The following NRG3 variants were observed in gnomAD, a reference collection of about 807,000 sequenced individuals.
The protein encoded by NRG3 is pro-neuregulin-3, membrane-bound isoform.
In NRG3, 31 loss-of-function variants were observed where a neutral mutation model predicts 66.9. The ratio of observed to expected loss-of-function variants is 0.46; its 90% CI spans 0.35 to 0.63. NRG3 has a LOEUF of 0.63. Among genes scored for constraint, NRG3 ranks in the 20% least tolerant of loss-of-function variants. NRG3 has a pLI of 0.00. For missense variants in NRG3, 910 were observed against 878.9 expected, an observed-to-expected ratio of 1.04 and a Z score of -0.45; for synonymous variants, 393 against 359.4, an observed-to-expected ratio of 1.09 and a Z score of -1.06.
intron 3 of NRG3, among the ~76,000 whole-genome samples, chr10:82,791,844 C>A (rs1181043405): frequency 6.6e-6 from 1 of 152,190 alleles, no homozygotes; most frequent in African/African-American, 2.4e-5. Context: ...CCTGAATGAG[C>A]TTTAAGTCAG....
chr10:82,897,258 A>G (rs1446336801), intron 4 of NRG3, among the ~76,000 whole-genome samples: 1 of 152,204 alleles, frequency 6.6e-6, no homozygotes, highest in Non-Finnish European at 1.5e-5. Context: ...AAAAAAATAG[A>G]CGTTCCTAAA....
Position 82,626,562 on chromosome 10 carries a change from G to C in NRG3, c.954-112015G>C, listed in dbSNP as rs1248237511. Reference sequence around the variant, plus strand: ...GTTACCTAAAGGATTTCTTCTCTTGGGGGTAAGTGTGAATTCACTTGAGTA... The same window carrying C: ...GTTACCTAAAGGATTTCTTCTCTTGCGGGTAAGTGTGAATTCACTTGAGTA... On this transcript the variant is annotated intron_variant, in intron 2 of 8. Transcript: ENST00000372141. Among the ~76,000 whole-genome samples the C allele has an allele frequency of 2.6e-5, 4 of 151,982 alleles. No homozygotes were observed. In the East Asian group the frequency reaches 7.7e-4, roughly 29 times the overall value.
intron 1 of NRG3, among the ~76,000 whole-genome samples, chr10:82,268,715 G>A (rs1166838704): frequency 6.6e-6 from 1 of 151,846 alleles, no homozygotes; most frequent in African/African-American, 2.4e-5. Context: ...TTTCTTTCCT[G>A]TCTAGGACAT....
chr10:82,636,474 A>C (rs181564394), intron 2 of NRG3, among the ~76,000 whole-genome samples: 1 of 152,190 alleles, frequency 6.6e-6, no homozygotes, highest in Non-Finnish European at 1.5e-5. Context: ...GAGTTCTCAA[A>C]AAGAATGATG....
chr10:82,883,494 A>ATTC (rs1477816451), intron 4 of NRG3, among the ~76,000 whole-genome samples: 5 of 152,160 alleles, frequency 3.3e-5, no homozygotes, highest in Non-Finnish European at 7.4e-5. Flanking sequence ...GAGTCTCAGT[A>ATTC]TTCTTGTCTG....
At chr10:82,309,369 T>C (rs2080906948) in intron 1 of NRG3, among the ~76,000 whole-genome samples, 1 of 152,204 alleles carries the variant, frequency 6.6e-6, no homozygotes. Flanking sequence ...AAATATTTGT[T>C]CTGCCACTTG....
At chr10:82,861,889 T>A (rs1052169746) in intron 3 of NRG3, among the ~76,000 whole-genome samples, 2 of 152,216 alleles carry the variant, frequency 1.3e-5, no homozygotes, top group African/African-American at 4.8e-5. Flanking sequence ...TGAAAAAGTT[T>A]AGTTTTTATT....
intron 1 of NRG3, among the ~76,000 whole-genome samples, chr10:82,049,894 C>T (rs182392841): frequency 1.9e-3 from 288 of 152,110 alleles, no homozygotes; most frequent in African/African-American, 6.7e-3. Flanking sequence ...ATCATAGCCC[C>T]TAGGAATCTA....
chr10:82,268,847 C>G (rs1055229691), intron 1 of NRG3, among the ~76,000 whole-genome samples: 6 of 152,110 alleles, frequency 3.9e-5, no homozygotes, highest in Non-Finnish European at 7.4e-5. Context: ...GATTGATACT[C>G]TTTCCACGGG....
intron 1 of NRG3, among the ~76,000 whole-genome samples, chr10:82,256,291 G>T (rs943068527): frequency 2.0e-5 from 3 of 152,206 alleles, no homozygotes; most frequent in African/African-American, 7.2e-5. Flanking sequence ...TCATCCACTT[G>T]CTGTGGTCTA....
intron 1 of NRG3, among the ~76,000 whole-genome samples, chr10:82,117,366 TTAATTGTGGG>T (rs2067792433): frequency 1.3e-5 from 2 of 152,150 alleles, no homozygotes; most frequent in Non-Finnish European, 2.9e-5. Context: ...TGGGGATAAA[TTAATTGTGGG>T]ACAAAGAAGA....
chr10:82,953,331 CAGAT>C (rs1849710679), intron 5 of NRG3, among the ~76,000 whole-genome samples: 1 of 151,986 alleles, frequency 6.6e-6, no homozygotes, highest in Non-Finnish European at 1.5e-5. Context: ...AAGAAAATGA[CAGAT>C]AGGTTCTTTA....
chr10:82,861,950 T>G (rs934602173), intron 3 of NRG3, among the ~76,000 whole-genome samples: 1 of 152,246 alleles, frequency 6.6e-6, no homozygotes, highest in African/African-American at 2.4e-5. Context: ...TAATCCTTAT[T>G]TTAAATGTCA....
chr10:82,777,675 G>A (rs7084994), intron 3 of NRG3, among the ~76,000 whole-genome samples: 3,031 of 152,202 alleles, frequency 0.02, 106 homozygotes, highest in African/African-American at 0.068. Flanking sequence ...AGTACTTATG[G>A]ATCCAGCCAT....
At chr10:81,975,605 TA>T (rs1457285340) in intron 1 of NRG3, among the ~76,000 whole-genome samples, 1 of 152,048 alleles carries the variant, frequency 6.6e-6, no homozygotes, top group Non-Finnish European at 1.5e-5. Context: ...TGTGTGCAAC[TA>T]GAGTCTAATC....
intron 3 of NRG3, among the ~76,000 whole-genome samples, chr10:82,844,191 C>T (rs902246987): frequency 3.3e-5 from 5 of 152,172 alleles, no homozygotes; most frequent in African/African-American, 4.8e-5. Flanking sequence ...TGGTGAGTGA[C>T]TCCTTTTATG....
intron 1 of NRG3, chr10:81,889,267 G>C (rs920112143): frequency 6.6e-6 from 1 of 152,148 alleles, no homozygotes; most frequent in Non-Finnish European, 1.5e-5. Context: ...CTTCTTTGCA[G>C]AAGCCACTCA....
intron 1 of NRG3, among the ~76,000 whole-genome samples, chr10:82,015,423 G>T (rs2061744584): frequency 2.0e-5 from 3 of 152,044 alleles, no homozygotes; most frequent in Admixed American, 6.6e-5. Context: ...AATATGATTG[G>T]GCTTTGTGTC....
chr10:82,819,292 T>TAAGA (rs1160004381), intron 3 of NRG3, among the ~76,000 whole-genome samples: 1 of 152,218 alleles, frequency 6.6e-6, no homozygotes, highest in African/African-American at 2.4e-5. Context: ...TATGCTGGAA[T>TAAGA]AAGACTTTAT....
Sources: allele counts gnomAD v4.1 joint callset (sites outside exome capture counted in the v4.1 genomes callset), GRCh38; gene constraint gnomAD v4.1.1; transcripts MANE v1.5; gene names NCBI Gene and HGNC (gene_info 2026-07-23, HGNC 2026-07-21).